Variants in ROBO3 observed in about 807,000 individuals in gnomAD.
The protein encoded by ROBO3 is roundabout homolog 3.
In ROBO3, 97 loss-of-function variants were observed where a neutral mutation model predicts 160.5. The observed-to-expected ratio is 0.60, with a 90% CI of 0.51 to 0.72. ROBO3 has a LOEUF of 0.72. Among genes scored for constraint, ROBO3 ranks in the 30% least tolerant of loss-of-function variants. The probability of loss-of-function intolerance (pLI) is 0.00; values close to 1 mark genes in which losing one functional copy is unlikely to be tolerated. For missense variants in ROBO3, 1,858 were observed against 1,846.5 expected (o/e 1.01, Z -0.11); for synonymous variants, 780 against 746.2 (o/e 1.05, Z -0.74).
At position 124,865,538 on chromosome 11, in the gene ROBO3, G is replaced by A. The variant is rs755809268; in HGVS notation, c.-40G>A. ...CCACGGGTCTCAGACCCAGGGGCTG[G>A]GCCCCCAGCCCCCAGTCCCGATCCC... On this transcript the variant is annotated 5_prime_UTR_variant, in exon 1 of 28. Coordinates refer to ENST00000397801, the MANE Select transcript of ROBO3 (RefSeq NM_022370.4). The surrounding 1 kb of genome is among the most constrained non-coding windows in gnomAD (Gnocchi z 5.5). 1 of 1,599,916 alleles carries A rather than the reference G, an allele frequency of 6.3e-7. No individual in the cohort carries two copies. The highest frequency in any genetic ancestry group is 1.1e-5 in the South Asian group (1 of 89,348).
Position 124,872,694 on chromosome 11 carries a change from C to A in ROBO3, c.1330+142C>A. The A allele has an allele frequency of 9.7e-7, 1 of 1,033,770 alleles. No individual in the cohort carries two copies. The highest frequency in any genetic ancestry group is 1.6e-5 in the African/African-American group (1 of 62,284). 64.0% of individuals were successfully genotyped at this position (1,033,770 alleles called of 1,614,324 possible). A position where few individuals can be genotyped will look rare whatever the true frequency, so the allele number is the denominator to read the frequency against. ...GAGGCATGACCTTGAAGTTTGGAAA[C>A]CAGCAGCAGAAGCCACTAATAATGG... On this transcript the variant is annotated intron_variant, in intron 8 of 27. Transcript: ENST00000397801. The surrounding 1 kb of genome is among the most constrained non-coding windows in gnomAD (Gnocchi z 4.3).
Position 124,881,336 on chromosome 11 carries a change from G to C in ROBO3, c.*86G>C. ...TTCCCCCCCAGCAGTGATGAGTGGG[G>C]CTAGCTGAAGCCCATTGGTTTCCAC... On this transcript the variant is annotated 3_prime_UTR_variant, in exon 28 of 28. Transcript: ENST00000397801. The C allele has an allele frequency of 7.6e-7, 1 of 1,317,556 alleles. No homozygotes were observed. 81.6% of individuals were successfully genotyped at this position (1,317,556 alleles called of 1,614,324 possible).
chr11:124,869,429 G>GGGGGC lies in ROBO3; in HGVS notation c.488-21_488-20insGGGGC. 5 of 1,295,754 alleles carry GGGGGC rather than the reference G, an allele frequency of 3.9e-6. No homozygotes were observed. Among genetic ancestry groups the GGGGGC allele is most frequent in the Non-Finnish European group, 5.4e-6 (5 of 929,936 alleles). 80.3% of individuals were successfully genotyped at this position (1,295,754 alleles called of 1,614,324 possible). A position where few individuals can be genotyped will look rare whatever the true frequency, so the allele number is the denominator to read the frequency against. ...TGTCACTCTACACCCTGCTTATTTC[G>GGGGGC]CCCCCCACCGCCCCGCCCAGTCCTC... is the stretch of plus-strand genomic sequence containing the variant. On this transcript the variant is annotated intron_variant, in intron 2 of 27. Transcript: ENST00000397801. The surrounding 1 kb of genome is among the most constrained non-coding windows in gnomAD (Gnocchi z 4.2).
Position 124,870,197 on chromosome 11 carries a change from C to T in ROBO3, c.799C>T (p.Gln267Ter). 1 of 1,614,028 alleles carries T rather than the reference C, an allele frequency of 6.2e-7. No homozygotes were observed. Among genetic ancestry groups the T allele is most frequent in the Non-Finnish European group, 8.5e-7 (1 of 1,179,880 alleles). ...CTCATTCCTGCGCAGACCAGTGAATCAGGTGGTCCTGGCTGATGCCCCTGT... is the reference window on the plus strand; with the variant it reads ...CTCATTCCTGCGCAGACCAGTGAATTAGGTGGTCCTGGCTGATGCCCCTGT... ...RPSFLRRPVN[Q>*]VVLADAPVTF... The change falls in exon 5 of 28, where the codon CAG becomes TAG. Residue 267 changes from glutamine to a stop codon, truncating the protein, a stop_gained. Transcript: ENST00000397801. LOFTEE classifies it high-confidence loss of function.
In ROBO3 at chr11:124,869,527, C is replaced by A. The variant is rs888086094; in HGVS notation, c.565C>A (p.Pro189Thr). 2.0e-6 allele frequency: 3 copies of A among 1,535,332 alleles called. No homozygotes were observed. Among genetic ancestry groups the A allele is most frequent in the East Asian group, 4.8e-5 (2 of 42,006 alleles). The change falls in exon 3 of 28, where the codon CCC (proline) becomes ACC (threonine). Residue 189 changes from proline (P) to threonine (T), a missense_variant. Coordinates refer to ENST00000397801, the MANE Select transcript of ROBO3 (RefSeq NM_022370.4). This position sits in a 1 kb window ranked among gnomAD's most constrained non-coding sequence, Gnocchi z 4.2. The part of the protein sequence containing the change: ...VGEPAVLECV[P>T]PRGHPEPSVS... ...GGAGCCAGCAGTACTGGAATGCGTGCCCCCCCGCGGCCACCCGGAGCCTTC... is the reference window on the plus strand; with the variant it reads ...GGAGCCAGCAGTACTGGAATGCGTGACCCCCCGCGGCCACCCGGAGCCTTC...
chr11:124,867,586 C>G (rs1409879734), intron 1 of ROBO3, among the ~76,000 whole-genome samples: 1 of 152,152 alleles, frequency 6.6e-6, no homozygotes, highest in Admixed American at 6.5e-5. Flanking sequence ...GAGAAAATTA[C>G]TCTCCCAAGT....
chr11:124,870,426 T>C, intron 5 of ROBO3, 123 bp downstream of exon 5: 1 of 1,472,854 alleles, frequency 6.8e-7, no homozygotes, highest in Non-Finnish European at 9.2e-7. Context: ...CCCTAGAGCC[T>C]GTGGCCCCAG....
At chr11:124,880,674 G>A (rs1946560702) in intron 27 of ROBO3, 66 bp downstream of exon 27, 2 of 1,454,076 alleles carry the variant, frequency 1.4e-6, no homozygotes, top group East Asian at 2.5e-5. Context: ...AAGGCGTAAT[G>A]GAAAACAGGA....
Position 124,873,643 on chromosome 11 carries a change from C to A in ROBO3, c.1619-54C>A. On this transcript the variant is annotated intron_variant, in intron 10 of 27. Coordinates refer to ENST00000397801, the MANE Select transcript of ROBO3 (RefSeq NM_022370.4). The surrounding 1 kb of genome is among the most constrained non-coding windows in gnomAD (Gnocchi z 4.5). ...GCTCCCCTGGTAAGGAGACAGGTTA[C>A]ACTAGGATTATCCTTTCCCTATCTT... 1 of 1,508,280 alleles carries A rather than the reference C, an allele frequency of 6.6e-7. No individual in the cohort carries two copies. 93.4% of individuals were successfully genotyped at this position (1,508,280 alleles called of 1,614,324 possible). A position where few individuals can be genotyped will look rare whatever the true frequency, so the allele number is the denominator to read the frequency against.
chr11:124,876,711 G>T lies in ROBO3; in HGVS notation c.2779+251G>T, dbSNP rs1946386103. The T allele has an allele frequency of 2.9e-5, 11 of 383,212 alleles. No homozygotes were observed. In the Admixed American group the frequency reaches 4.7e-4, roughly 16 times the overall value. The allele number at this position is 383,212 out of a possible 1,614,324, so 23.7% of individuals were successfully genotyped here. A position where few individuals can be genotyped will look rare whatever the true frequency, so the allele number is the denominator to read the frequency against. On this transcript the variant is annotated intron_variant, in intron 17 of 27. Transcript: ENST00000397801. The surrounding 1 kb of genome is among the most constrained non-coding windows in gnomAD (Gnocchi z 5.3). ...CTCTAAGACGCCACGAGGAGGCCAG[G>T]CTTTGCAACCATCTCCATAAAGAAG...
In ROBO3 at chr11:124,869,706, G is replaced by A; in HGVS notation, c.645+99G>A. On this transcript the variant is annotated intron_variant, in intron 3 of 27. Transcript: ENST00000397801. This position sits in a 1 kb window ranked among gnomAD's most constrained non-coding sequence, Gnocchi z 4.2. ...TTGAGATCAGGGCATTAGCTAACCA[G>A]AGACTAAGAGTCAGCTATACAGTGA... 1 of 1,360,684 alleles carries A rather than the reference G, an allele frequency of 7.3e-7. No homozygotes were observed. Among genetic ancestry groups the A allele is most frequent in the Non-Finnish European group, 9.9e-7 (1 of 1,006,180 alleles). The allele number at this position is 1,360,684 out of a possible 1,614,324, so 84.3% of individuals were successfully genotyped here. A position where few individuals can be genotyped will look rare whatever the true frequency, so the allele number is the denominator to read the frequency against.
rs1235548501 is a variant in ROBO3 at position 124,872,436 on chromosome 11, CA to C, written c.1216del (p.Arg406GlufsTer36). 2.5e-6 allele frequency: 4 copies of C among 1,613,992 alleles called. No homozygotes were observed. Among genetic ancestry groups the C allele is most frequent in the Non-Finnish European group, 3.4e-6 (4 of 1,179,892 alleles). ...CCGACGGGGCGCTTCTCAGTGTCTC[CA>C]AGAGGCCAACTTAACATCACCGCGG... ...LQPTGRFSVS[P>X]RGQLNITAVQ... On this transcript the variant is annotated frameshift_variant, in exon 8 of 28. Transcript: ENST00000397801. LOFTEE classifies it high-confidence loss of function. The surrounding 1 kb of genome is among the most constrained non-coding windows in gnomAD (Gnocchi z 4.3).
intron 26 of ROBO3, 133 bp downstream of exon 26, chr11:124,880,081 CTG>C: frequency 1.1e-6 from 1 of 936,180 alleles, no homozygotes; most frequent in South Asian, 1.8e-5. Flanking sequence ...TCAAACTCCC[CTG>C]TCTCTCTAAC....
In ROBO3 at chr11:124,880,603, C is replaced by T. The variant is rs749576087; in HGVS notation, c.4144C>T (p.Arg1382Ter). ...SQSQRPGQKR[R>*]EEPR ...GAGCCAAAGGCCAGGACAGAAACGC[C>T]GAGAGGTAGGGGCCATAGATTGCAG... The change falls in exon 27 of 28, where the codon CGA becomes TGA. Residue 1382 changes from arginine (R) to a stop codon, truncating the protein, a stop_gained. Transcript: ENST00000397801. LOFTEE classifies it high-confidence loss of function. 5.0e-5 allele frequency: 77 copies of T among 1,543,236 alleles called. No individual in the cohort carries two copies. Among genetic ancestry groups the T allele is most frequent in the Admixed American group, 4.8e-4 (24 of 50,230 alleles).
chr11:124,878,756 C>A lies in ROBO3; in HGVS notation c.3493C>A (p.Gln1165Lys). 1.9e-6 allele frequency: 3 copies of A among 1,613,774 alleles called. No homozygotes were observed. The highest frequency in any genetic ancestry group is 2.5e-6 in the Non-Finnish European group (3 of 1,179,866). ...TACACCCTCACCTCCTGACCCTCCC[C>A]AGCCCCCAACTGACATGCCCCATCT... ...TLTPSPPDPP[Q>K]PPTDMPHLHQ... Residue 1165 changes from glutamine (Q) to lysine (K), a missense_variant, in exon 23 of 28, where the codon CAG becomes AAG. Physicochemically the swap from Gln to Lys is moderately conservative, Grantham distance 53. Coordinates refer to ENST00000397801, the MANE Select transcript of ROBO3 (RefSeq NM_022370.4). The surrounding 1 kb of genome is among the most constrained non-coding windows in gnomAD (Gnocchi z 4.3).
In ROBO3 at chr11:124,869,655, G is replaced by A; in HGVS notation, c.645+48G>A. 1.2e-5 allele frequency: 18 copies of A among 1,505,272 alleles called. No homozygotes were observed. The highest frequency in any genetic ancestry group is 2.4e-5 in the East Asian group (1 of 41,178). 93.2% of individuals were successfully genotyped at this position (1,505,272 alleles called of 1,614,324 possible). A position where few individuals can be genotyped will look rare whatever the true frequency, so the allele number is the denominator to read the frequency against. ...AGACCCCAACAAGGGAGGGGACATA[G>A]GGTAGGGAGGTGACAAGGCTGGAGA... On this transcript the variant is annotated intron_variant, in intron 3 of 27. Transcript: ENST00000397801. This position sits in a 1 kb window ranked among gnomAD's most constrained non-coding sequence, Gnocchi z 4.2.
intron 1 of ROBO3, among the ~76,000 whole-genome samples, chr11:124,867,744 G>A (rs1208561778): frequency 6.6e-6 from 1 of 151,376 alleles, no homozygotes; most frequent in African/African-American, 2.4e-5. Flanking sequence ...CGGGCTGGAA[G>A]CGGGAGGTTC....
At position 124,880,293 on chromosome 11, in the gene ROBO3, G is replaced by A. The variant is rs903705867; in HGVS notation, c.3959-125G>A. The A allele has an allele frequency of 6.8e-6, 10 of 1,464,582 alleles. No individual in the cohort carries two copies. The Admixed American group carries it at 9.0e-5, about 13-fold the overall frequency. The allele number at this position is 1,464,582 out of a possible 1,614,324, so 90.7% of individuals were successfully genotyped here. On this transcript the variant is annotated intron_variant, in intron 26 of 27. Coordinates refer to ENST00000397801, the MANE Select transcript of ROBO3 (RefSeq NM_022370.4). ...TCTGCTGCTCCTCAGCCCCAGGCTG[G>A]CTGAGCCCTGTGCCTGCCCTTCATC...
At position 124,869,112 on chromosome 11, in the gene ROBO3, C is replaced by A; in HGVS notation, c.471C>A (p.Ala157=). 1 of 1,567,036 alleles carries A rather than the reference C, an allele frequency of 6.4e-7. No individual in the cohort carries two copies. ...NYLGAAASRN[A]SLEVAVLRDD... ...TGGGGGCAGCAGCGAGCAGAAACGC[C>A]TCGCTGGAAGTGGCAGGTGAGAGTC... The change falls in exon 2 of 28, where the codon GCC becomes GCA. Residue 157 remains alanine, a synonymous_variant. Transcript: ENST00000397801. This position sits in a 1 kb window ranked among gnomAD's most constrained non-coding sequence, Gnocchi z 4.2.
Sources: allele counts gnomAD v4.1 joint callset (sites outside exome capture counted in the v4.1 genomes callset), GRCh38; gene constraint gnomAD v4.1.1; non-coding constraint Gnocchi (gnomAD v3.1); transcripts MANE v1.5; gene names NCBI Gene and HGNC (gene_info 2026-07-23, HGNC 2026-07-21).